GABRG3: variants seen among roughly 807,000 people sequenced by gnomAD.
GABRG3 encodes gamma-aminobutyric acid type A receptor subunit gamma3.
Under a neutral mutation model 48.8 loss-of-function variants are expected in GABRG3, and 25 were observed. That is an observed-to-expected ratio of 0.51 (90% CI 0.37 to 0.72). The LOEUF is 0.72. Ranked by LOEUF, GABRG3 falls within the 30% of genes least tolerant of loss-of-function variation. The probability of loss-of-function intolerance (pLI) is 0.00; values close to 1 mark genes in which losing one functional copy is unlikely to be tolerated. For missense variants in GABRG3, 394 were observed against 577.9 expected, an observed-to-expected ratio of 0.68 and a Z score of 3.26; for synonymous variants, 227 against 217.6, an observed-to-expected ratio of 1.04 and a Z score of -0.38.
At chr15:27,254,100 TGTAGTTTTTGG>T (rs1222557022) in intron 3 of GABRG3, among the ~76,000 whole-genome samples, 10 of 152,240 alleles carry the variant, frequency 6.6e-5, no homozygotes, top group African/African-American at 2.4e-4. Flanking sequence ...CTTGTTTTTC[TGTAGTTTTTGG>T]ATTCTTCAAA....
chr15:27,324,892 CT>C, intron 3 of GABRG3, among the ~76,000 whole-genome samples: 1 of 151,048 alleles, frequency 6.6e-6, no homozygotes, highest in East Asian at 1.9e-4. Flanking sequence ...ACCTTAGTTT[CT>C]TTCCCTTGAG....
At chr15:27,452,732 G>A (rs1889147307) in intron 5 of GABRG3, among the ~76,000 whole-genome samples, 1 of 152,210 alleles carries the variant, frequency 6.6e-6, no homozygotes, top group Non-Finnish European at 1.5e-5. Context: ...GACAGAGACA[G>A]ACTAAAATCC....
At chr15:27,518,689 T>A (rs1331718856) in intron 6 of GABRG3, among the ~76,000 whole-genome samples, 1 of 151,914 alleles carries the variant, frequency 6.6e-6, no homozygotes, top group Admixed American at 6.6e-5. Flanking sequence ...GTGGGAAGGG[T>A]TTTGGCAAGT....
At chr15:27,417,687 C>G (rs898310070) in intron 5 of GABRG3, among the ~76,000 whole-genome samples, 1 of 152,190 alleles carries the variant, frequency 6.6e-6, no homozygotes, top group Non-Finnish European at 1.5e-5. Context: ...GGGTCTCTAC[C>G]TCTGTCATTT....
intron 3 of GABRG3, among the ~76,000 whole-genome samples, chr15:27,265,897 T>TTTTTTTTTA (rs1890906518): frequency 6.6e-6 from 1 of 150,486 alleles, no homozygotes; most frequent in African/African-American, 2.5e-5. Flanking sequence ...TTTTTTTTTT[T>TTTTTTTTTA]GAGAGTGACC....
At chr15:27,347,363 C>G (rs1894410099) in intron 5 of GABRG3, among the ~76,000 whole-genome samples, 1 of 152,132 alleles carries the variant, frequency 6.6e-6, no homozygotes, top group African/African-American at 2.4e-5. Context: ...TGGGCTGTGG[C>G]CTTCAGAAGT....
At chr15:27,119,830 A>G (rs1487594811) in intron 3 of GABRG3, among the ~76,000 whole-genome samples, 1 of 152,234 alleles carries the variant, frequency 6.6e-6, no homozygotes, top group Non-Finnish European at 1.5e-5. Context: ...TCCTTGGCAC[A>G]TGGGCATTCC....
intron 3 of GABRG3, among the ~76,000 whole-genome samples, chr15:27,222,996 A>C (rs1889500199): frequency 6.6e-6 from 1 of 152,220 alleles, no homozygotes; most frequent in Non-Finnish European, 1.5e-5. Context: ...CTTTGTTCAC[A>C]AGTTTTGTTG....
intron 5 of GABRG3, among the ~76,000 whole-genome samples, chr15:27,394,740 A>G (rs1037525480): frequency 1.1e-4 from 16 of 152,288 alleles, no homozygotes; most frequent in African/African-American, 3.6e-4. Flanking sequence ...TTGGTTGACA[A>G]TCTTTTTCTT....
intron 5 of GABRG3, among the ~76,000 whole-genome samples, chr15:27,399,843 T>A (rs1392940008): frequency 6.6e-6 from 1 of 152,170 alleles, no homozygotes; most frequent in Non-Finnish European, 1.5e-5. Context: ...AGATCGGCGT[T>A]GAATCAGAAG....
intron 5 of GABRG3, among the ~76,000 whole-genome samples, chr15:27,433,009 A>G (rs916360122): frequency 6.6e-6 from 1 of 152,162 alleles, no homozygotes; most frequent in African/African-American, 2.4e-5. Flanking sequence ...ATTTCTACCA[A>G]GAATGTGTTT....
At chr15:27,356,059 T>G (rs1473734778) in intron 5 of GABRG3, among the ~76,000 whole-genome samples, 1 of 152,204 alleles carries the variant, frequency 6.6e-6, no homozygotes, top group Non-Finnish European at 1.5e-5. Context: ...CACCAAATTG[T>G]CTACTTTTAA....
intron 3 of GABRG3, among the ~76,000 whole-genome samples, chr15:27,195,775 C>T (rs544319960): frequency 6.6e-6 from 1 of 152,174 alleles, no homozygotes; most frequent in Non-Finnish European, 1.5e-5. Context: ...GCTGGGATTA[C>T]AGGTGCCCAC....
chr15:27,190,748 T>A (rs1211848369), intron 3 of GABRG3, among the ~76,000 whole-genome samples: 6 of 152,122 alleles, frequency 3.9e-5, no homozygotes, highest in Admixed American at 2.6e-4. Flanking sequence ...CTGATTTTAG[T>A]TATTTCTTGC....
At chr15:27,245,688 A>G (rs1382569858) in intron 3 of GABRG3, among the ~76,000 whole-genome samples, 2 of 152,030 alleles carry the variant, frequency 1.3e-5, no homozygotes, top group Non-Finnish European at 2.9e-5. Flanking sequence ...CCTGGCCAAC[A>G]TGGTGAAACC....
At chr15:27,423,242 T>TAAAAAAA (rs58007397) in intron 5 of GABRG3, among the ~76,000 whole-genome samples, 1 of 74,742 alleles carries the variant, frequency 1.3e-5, no homozygotes, top group African/African-American at 4.7e-5. Context: ...GTCATTATGA[T>TAAAAAAA]AAAAAAAAAA....
intron 3 of GABRG3, among the ~76,000 whole-genome samples, chr15:27,221,160 C>T (rs759426340): frequency 2.0e-5 from 3 of 152,022 alleles, no homozygotes; most frequent in South Asian, 2.1e-4. Context: ...TCTTATGAGA[C>T]GTTTGAGAGA....
intron 3 of GABRG3, among the ~76,000 whole-genome samples, chr15:27,118,367 C>T (rs1222082418): frequency 6.6e-6 from 1 of 152,164 alleles, no homozygotes; most frequent in Non-Finnish European, 1.5e-5. Flanking sequence ...TGCTTTCCCT[C>T]CGAACAACAT....
rs909693622 is a variant in GABRG3 at position 27,236,180 on chromosome 15, G to A, written c.271-90629G>A. ...CACTTTTCTGTAAACCGTGTCCGGC[G>A]TACATGGAAGCATCTCAGGAGGAAG... On this transcript the variant is annotated intron_variant, in intron 3 of 9. Transcript: ENST00000615808. The surrounding 1 kb of genome is among the most constrained non-coding windows in gnomAD (Gnocchi z 4.4). Among the ~76,000 whole-genome samples the A allele has an allele frequency of 6.6e-6, 1 of 152,128 alleles. No individual in the cohort carries two copies. Among genetic ancestry groups the A allele is most frequent in the Non-Finnish European group, 1.5e-5 (1 of 68,034 alleles).
Sources: allele counts gnomAD v4.1 joint callset (sites outside exome capture counted in the v4.1 genomes callset), GRCh38; gene constraint gnomAD v4.1.1; non-coding constraint Gnocchi (gnomAD v3.1); transcripts MANE v1.5; gene names NCBI Gene and HGNC (gene_info 2026-07-23, HGNC 2026-07-21).